The following FARP1 variants were observed in gnomAD, a reference collection of about 807,000 sequenced individuals.
FARP1 encodes the protein FERM, ARH/RhoGEF and pleckstrin domain protein 1, also known as FERM, ARHGEF and pleckstrin domain-containing protein 1.
FARP1 carries 52 observed loss-of-function variants against 128.8 expected under a neutral mutation model. The ratio of observed to expected loss-of-function variants is 0.40; its 90% CI spans 0.32 to 0.51. FARP1 has a LOEUF of 0.51. Among genes scored for constraint, FARP1 ranks in the 20% least tolerant of loss-of-function variants. FARP1 has a pLI of 0.45. For missense variants in FARP1, 1,333 were observed against 1,367.9 expected, an observed-to-expected ratio of 0.97 and a Z score of 0.40; for synonymous variants, 580 against 551.8, an observed-to-expected ratio of 1.05 and a Z score of -0.72.
Position 98,448,387 on chromosome 13 carries a change from A to T in FARP1, c.*70A>T. On this transcript the variant is annotated 3_prime_UTR_variant, in exon 27 of 27. Transcript: ENST00000319562. ...CGTTTCCTTTCTTCTGTATTAATGAAGCCTGGTAAAATTAACACCTGTCTG... is the reference window on the plus strand; with the variant it reads ...CGTTTCCTTTCTTCTGTATTAATGATGCCTGGTAAAATTAACACCTGTCTG... 8.1e-7 allele frequency: 1 copy of T among 1,232,250 alleles called. No individual in the cohort carries two copies. The highest frequency in any genetic ancestry group is 2.3e-5 in the East Asian group (1 of 42,858). 76.3% of individuals were successfully genotyped at this position (1,232,250 alleles called of 1,614,324 possible). A position where few individuals can be genotyped will look rare whatever the true frequency, so the allele number is the denominator to read the frequency against.
chr13:98,359,396 A>G (rs1170933445), intron 3 of FARP1, among the ~76,000 whole-genome samples: 1 of 152,212 alleles, frequency 6.6e-6, no homozygotes, highest in Non-Finnish European at 1.5e-5. Flanking sequence ...AAACACCTCA[A>G]ACATTCCAGT....
At chr13:98,420,428 G>C (rs1891551337) in intron 16 of FARP1, among the ~76,000 whole-genome samples, 1 of 152,148 alleles carries the variant, frequency 6.6e-6, no homozygotes, top group African/African-American at 2.4e-5. Flanking sequence ...CTTCTTCCCT[G>C]TCCTCAGTCT....
intron 16 of FARP1, among the ~76,000 whole-genome samples, chr13:98,414,830 A>G (rs1233138212): frequency 1.3e-5 from 2 of 152,248 alleles, no homozygotes; most frequent in Non-Finnish European, 2.9e-5. Context: ...AATGCATTCC[A>G]TTAAAACAAA....
At position 98,390,943 on chromosome 13, in the gene FARP1, G is replaced by C. The variant is rs1195717728; in HGVS notation, c.1088+63G>C. 8 of 1,113,702 alleles carry C rather than the reference G, an allele frequency of 7.2e-6. No individual in the cohort carries two copies. The African/African-American group carries it at 1.1e-4, about 15-fold the overall frequency. 69.0% of individuals were successfully genotyped at this position (1,113,702 alleles called of 1,614,324 possible). ...GCTCAGACTCGCCAGGTAACAGTTT[G>C]TTGCTGCTAAATATTTCTTTACCCA... On this transcript the variant is annotated intron_variant, in intron 11 of 26. Transcript: ENST00000319562.
chr13:98,207,572 C>G (rs1880345213), intron 1 of FARP1, among the ~76,000 whole-genome samples: 1 of 151,512 alleles, frequency 6.6e-6, no homozygotes, highest in Non-Finnish European at 1.5e-5. Flanking sequence ...ACACCATAGC[C>G]AGGTCCATGC....
intron 2 of FARP1, among the ~76,000 whole-genome samples, chr13:98,227,348 C>T (rs1881854652): frequency 6.6e-6 from 1 of 151,934 alleles, no homozygotes; most frequent in Admixed American, 6.6e-5. Flanking sequence ...AGCATTCACT[C>T]AGGCTTCCAG....
At chr13:98,214,030 C>G (rs1395181291) in intron 2 of FARP1, among the ~76,000 whole-genome samples, 1 of 152,178 alleles carries the variant, frequency 6.6e-6, no homozygotes, top group African/African-American at 2.4e-5. Context: ...CCGCAGGGCC[C>G]TGGACAGAGC....
chr13:98,309,449 G>A (rs1284112678), intron 2 of FARP1, among the ~76,000 whole-genome samples: 1 of 151,852 alleles, frequency 6.6e-6, no homozygotes, highest in Non-Finnish European at 1.5e-5. Flanking sequence ...GATTACAAGC[G>A]TGAGCCACCG....
chr13:98,337,248 C>T (rs1489172063), intron 2 of FARP1, among the ~76,000 whole-genome samples: 1 of 152,254 alleles, frequency 6.6e-6, no homozygotes, highest in East Asian at 1.9e-4. Context: ...TTTTGCGCTC[C>T]TGTAGTCCCA....
chr13:98,230,657 ATATAT>A (rs1413275216), intron 2 of FARP1, among the ~76,000 whole-genome samples: 9 of 152,106 alleles, frequency 5.9e-5, no homozygotes, highest in African/African-American at 2.2e-4. Context: ...TAAAACCAGA[ATATAT>A]TATACATGGT....
At chr13:98,433,517 C>G (rs1440627792) in intron 18 of FARP1, 1 of 152,254 alleles carries the variant, frequency 6.6e-6, no homozygotes, top group African/African-American at 2.4e-5. Flanking sequence ...TCACTGGAGG[C>G]TGGGAGTTCA....
intron 3 of FARP1, among the ~76,000 whole-genome samples, chr13:98,349,728 T>A (rs7337580): frequency 0.14 from 15,308 of 105,914 alleles, 1,125 homozygotes; most frequent in Middle Eastern, 0.26. Flanking sequence ...CCTGATAAAA[T>A]CAATTCTGGT....
At chr13:98,259,273 TG>T (rs1386885107) in intron 2 of FARP1, among the ~76,000 whole-genome samples, 1 of 150,350 alleles carries the variant, frequency 6.7e-6, no homozygotes, top group African/African-American at 2.5e-5. Context: ...ATAGAGTATA[TG>T]TATATAGAGT....
At chr13:98,186,762 TG>T (rs1878902303) in intron 1 of FARP1, among the ~76,000 whole-genome samples, 1 of 150,870 alleles carries the variant, frequency 6.6e-6, no homozygotes, top group Non-Finnish European at 1.5e-5. Context: ...GAGGTCGAGG[TG>T]GGTGGATCAG....
intron 2 of FARP1, chr13:98,329,670 A>G (rs1887401891): frequency 6.6e-6 from 1 of 152,102 alleles, no homozygotes; most frequent in Non-Finnish European, 1.5e-5. Context: ...TCAAATATAT[A>G]TATATTTTCC....
intron 19 of FARP1, chr13:98,437,868 G>T: frequency 6.3e-7 from 1 of 1,580,558 alleles, no homozygotes; most frequent in South Asian, 1.1e-5. Context: ...GGTGAAGATG[G>T]AATTGGGGTA....
intron 2 of FARP1, among the ~76,000 whole-genome samples, chr13:98,339,719 G>A (rs1887884111): frequency 6.6e-6 from 1 of 152,034 alleles, no homozygotes; most frequent in Non-Finnish European, 1.5e-5. Context: ...ATAAAAATTT[G>A]GTGCCAAAGA....
chr13:98,347,989 T>G (rs1408451196), intron 3 of FARP1, among the ~76,000 whole-genome samples: 1 of 152,228 alleles, frequency 6.6e-6, no homozygotes, highest in Non-Finnish European at 1.5e-5. Flanking sequence ...CTTCTGTCTT[T>G]CTTCTCATCA....
chr13:98,418,770 C>T (rs1398497677), intron 16 of FARP1, among the ~76,000 whole-genome samples: 5 of 152,194 alleles, frequency 3.3e-5, no homozygotes, highest in Admixed American at 6.5e-5. Flanking sequence ...GGTCACTAGA[C>T]GAGTCTGACA....
Sources: allele counts gnomAD v4.1 joint callset (sites outside exome capture counted in the v4.1 genomes callset), GRCh38; gene constraint gnomAD v4.1.1; transcripts MANE v1.5; gene names NCBI Gene and HGNC (gene_info 2026-07-23, HGNC 2026-07-21).